Variants in COP1 observed in about 807,000 individuals in gnomAD.
COP1 encodes E3 ubiquitin-protein ligase COP1.
A neutral mutation model predicts 101.3 loss-of-function variants in COP1; 24 were observed. That is an observed-to-expected ratio of 0.24 (90% CI 0.17 to 0.33). The LOEUF (loss-of-function observed/expected upper bound fraction) is 0.33. COP1 is among the 10% of genes least tolerant of loss of function. The pLI is 1.00. For synonymous variants in COP1, 347 were observed against 341.9 expected (o/e 1.01, Z -0.17); for missense variants, 663 against 906.2 (o/e 0.73, Z 3.45).
At chr1:176,033,233 G>A (rs183432263) in intron 14 of COP1, among the ~76,000 whole-genome samples, 1 of 152,156 alleles carries the variant, frequency 6.6e-6, no homozygotes, top group African/African-American at 2.4e-5. Context: ...CCAACATGGT[G>A]AAATCCCATC....
rs148162255 is a variant in COP1, at chr1:176,029,305, G to C, written c.1613-1617C>G. Among the ~76,000 whole-genome samples the C allele has an allele frequency of 3.3e-5, 5 of 152,246 alleles. No individual in the cohort carries two copies. The East Asian group carries it at 9.6e-4, about 29-fold the overall frequency. On this transcript the variant is annotated intron_variant, in intron 14 of 19. Transcript: ENST00000367669. ...GTATTTGAATAAGTAGTCTAAGCCA[G>C]TGATATATATTAAAATTTGTAATGA...
chr1:176,077,281 C>A (rs1378016533), intron 11 of COP1, among the ~76,000 whole-genome samples: 2 of 152,026 alleles, frequency 1.3e-5, no homozygotes, highest in African/African-American at 4.8e-5. Context: ...AATCCAGGAG[C>A]ACATCAAAAG....
chr1:176,167,751 G>A (rs114381107), intron 3 of COP1, among the ~76,000 whole-genome samples: 3 of 152,200 alleles, frequency 2.0e-5, no homozygotes, highest in Non-Finnish European at 4.4e-5. Flanking sequence ...GAGCCAAATT[G>A]CCTAAGACCA....
chr1:175,995,560 G>C (rs934543541), intron 15 of COP1, among the ~76,000 whole-genome samples: 2 of 152,016 alleles, frequency 1.3e-5, no homozygotes, highest in African/African-American at 4.8e-5. Flanking sequence ...AATGATAAAC[G>C]GGATATCACC....
At chr1:176,149,250 A>G (rs1692048026) in intron 5 of COP1, among the ~76,000 whole-genome samples, 176 bp from the exon 6 acceptor site, 1 of 152,080 alleles carries the variant, frequency 6.6e-6, no homozygotes, top group Admixed American at 6.6e-5. Context: ...TAAAAGAATC[A>G]ATTTTCTATA....
At chr1:175,947,140 G>A (rs1270954156) in intron 19 of COP1, 55 bp downstream of exon 19, 7 of 1,174,122 alleles carry the variant, frequency 6.0e-6, no homozygotes, top group Non-Finnish European at 9.0e-6. Flanking sequence ...CTATAATCCT[G>A]TTTCAGTCTA....
chr1:176,047,271 CACTT>C (rs1433770264), intron 11 of COP1, among the ~76,000 whole-genome samples: 3 of 152,308 alleles, frequency 2.0e-5, no homozygotes, highest in South Asian at 2.1e-4. Flanking sequence ...ATTAATCATT[CACTT>C]ACTAAAACAT....
At chr1:176,164,368 C>T (rs1029205719) in intron 3 of COP1, among the ~76,000 whole-genome samples, 2 of 152,178 alleles carry the variant, frequency 1.3e-5, no homozygotes, top group African/African-American at 4.8e-5. Flanking sequence ...TTGATAATAA[C>T]ATGACTTTTT....
intron 9 of COP1, among the ~76,000 whole-genome samples, chr1:176,110,001 C>A (rs1409651106): frequency 1.3e-5 from 2 of 152,118 alleles, no homozygotes; most frequent in African/African-American, 2.4e-5. Context: ...AATGTTTCCA[C>A]TAGCGGTATT....
At chr1:176,124,978 T>C (rs991617660) in intron 8 of COP1, among the ~76,000 whole-genome samples, 1 of 152,226 alleles carries the variant, frequency 6.6e-6, no homozygotes, top group African/African-American at 2.4e-5. Flanking sequence ...GGTGAGATGA[T>C]ATTTCATTGT....
At chr1:176,184,552 A>G (rs1698218471) in intron 2 of COP1, 81 bp downstream of exon 2, 2 of 1,193,906 alleles carry the variant, frequency 1.7e-6, no homozygotes. Context: ...TTGGTTTAAA[A>G]CACGTAACTT....
chr1:176,138,298 C>T (rs1358017461), intron 6 of COP1, among the ~76,000 whole-genome samples: 1 of 152,026 alleles, frequency 6.6e-6, no homozygotes, highest in Non-Finnish European at 1.5e-5. Flanking sequence ...TGGTAGAAAA[C>T]ACCAATGTTA....
At chr1:176,022,487 C>T (rs55806325) in intron 15 of COP1, among the ~76,000 whole-genome samples, 4 of 152,234 alleles carry the variant, frequency 2.6e-5, no homozygotes, top group Admixed American at 2.6e-4. Flanking sequence ...CTGTATCGCT[C>T]TCAGTGGTAA....
At chr1:176,153,364 C>A (rs992777625) in intron 5 of COP1, among the ~76,000 whole-genome samples, 3 of 152,196 alleles carry the variant, frequency 2.0e-5, no homozygotes, top group Middle Eastern at 6.8e-3. Context: ...ATAACAAATC[C>A]TTTTATAAGT....
intron 11 of COP1, among the ~76,000 whole-genome samples, chr1:176,074,830 C>A (rs1413539907): frequency 1.3e-5 from 2 of 151,016 alleles, no homozygotes; most frequent in Admixed American, 6.6e-5. Context: ...TGTATAGTCA[C>A]ATAACTACAG....
intron 15 of COP1, among the ~76,000 whole-genome samples, chr1:176,002,342 T>A (rs546803287): frequency 1.3e-5 from 2 of 152,138 alleles, no homozygotes; most frequent in Non-Finnish European, 2.9e-5. Flanking sequence ...CTTTCTTTTT[T>A]AGTTTTTATT....
At chr1:176,148,485 TGAAATGACTGA>T (rs1420559365) in intron 6 of COP1, among the ~76,000 whole-genome samples, 1 of 152,094 alleles carries the variant, frequency 6.6e-6, no homozygotes, top group East Asian at 1.9e-4. Context: ...TTGTATAGTG[TGAAATGACTGA>T]GAAATTTTAT....
chr1:176,004,993 T>C (rs2148896354), intron 15 of COP1, among the ~76,000 whole-genome samples: 1 of 152,118 alleles, frequency 6.6e-6, no homozygotes, highest in South Asian at 2.1e-4. Flanking sequence ...GGACTCTTTT[T>C]GGTTGGTAAG....
chr1:176,142,503 A>G (rs1174011662), intron 6 of COP1, among the ~76,000 whole-genome samples: 3 of 152,168 alleles, frequency 2.0e-5, no homozygotes, highest in East Asian at 1.9e-4. Flanking sequence ...AGTAATAGGT[A>G]TAACAAGGAA....
Sources: gnomAD v4.1 joint callset for allele counts (sites outside exome capture counted in the v4.1 genomes callset) on GRCh38, gnomAD v4.1.1 for gene constraint, MANE v1.5 for transcripts, NCBI Gene and HGNC (gene_info 2026-07-23, HGNC 2026-07-21) for gene names.